CEP70: variants seen among roughly 807,000 people sequenced by gnomAD.
CEP70 encodes centrosomal protein 70, also known as centrosomal protein of 70 kDa.
In CEP70, 70 loss-of-function variants were observed where a neutral mutation model predicts 90.9. The ratio of observed to expected loss-of-function variants is 0.77; its 90% CI spans 0.64 to 0.94. CEP70 has a LOEUF of 0.94. CEP70 is among the 40% of genes least tolerant of loss of function. The pLI, the probability that CEP70 is intolerant of heterozygous loss-of-function variation, is 0.00. For missense variants in CEP70, 648 were observed against 669.0 expected (o/e 0.97, Z 0.35); for synonymous variants, 220 against 228.3 (o/e 0.96, Z 0.33).
At chr3:138,547,473 T>C (rs183425643) in intron 6 of CEP70, among the ~76,000 whole-genome samples, 5 of 152,350 alleles carry the variant, frequency 3.3e-5, no homozygotes, top group Non-Finnish European at 7.3e-5. Flanking sequence ...AAAACTAGCA[T>C]TAATTTCTTT....
chr3:138,576,625 C>A (rs1214492182), intron 2 of CEP70, among the ~76,000 whole-genome samples: 1 of 152,186 alleles, frequency 6.6e-6, no homozygotes, highest in Non-Finnish European at 1.5e-5. Flanking sequence ...ACAGAACTCT[C>A]CACCCCAAAT....
Position 138,500,551 on chromosome 3 carries a change from T to C in CEP70, c.1385A>G (p.His462Arg), listed in dbSNP as rs760422975. 6.2e-6 allele frequency: 10 copies of C among 1,607,086 alleles called. No homozygotes were observed. In the South Asian group the frequency reaches 9.0e-5, roughly 14 times the overall value. ...ENKEKDSNMP[H>R]FQTLQAIVSH... Reference sequence around the variant, plus strand: ...AACAATAGCTTGCAAAGTTTGAAAGTGTGGCATATTGCTGTCCTGTCCAAA... The same window carrying C: ...AACAATAGCTTGCAAAGTTTGAAAGCGTGGCATATTGCTGTCCTGTCCAAA... Residue 462 changes from histidine (H) to arginine (R), a missense_variant, in exon 15 of 18, where the codon CAC becomes CGC. Coordinates refer to ENST00000264982, the MANE Select transcript of CEP70 (RefSeq NM_024491.4).
chr3:138,582,029 A>G (rs892337715), intron 2 of CEP70, among the ~76,000 whole-genome samples: 2 of 152,248 alleles, frequency 1.3e-5, no homozygotes, highest in African/African-American at 2.4e-5. Context: ...TGAATGAGCA[A>G]TAAGTTTGTT....
chr3:138,534,300 C>T (rs2038082952), intron 7 of CEP70, among the ~76,000 whole-genome samples: 1 of 152,140 alleles, frequency 6.6e-6, no homozygotes, highest in Non-Finnish European at 1.5e-5. Flanking sequence ...TTCTCTTCAA[C>T]CCTTCCCCAA....
chr3:138,572,142 C>T (rs1375710148), intron 3 of CEP70, among the ~76,000 whole-genome samples: 2 of 152,146 alleles, frequency 1.3e-5, no homozygotes. Context: ...CTAGTTGGAG[C>T]CAATATTTCA....
intron 11 of CEP70, among the ~76,000 whole-genome samples, chr3:138,509,742 C>T (rs1022178205): frequency 5.3e-5 from 8 of 151,960 alleles, no homozygotes; most frequent in Non-Finnish European, 1.0e-4. Flanking sequence ...AAATCTCATG[C>T]TGTCCCACTC....
At chr3:138,564,503 T>C (rs1004300919) in intron 6 of CEP70, among the ~76,000 whole-genome samples, 1 of 152,136 alleles carries the variant, frequency 6.6e-6, no homozygotes, top group Non-Finnish European at 1.5e-5. Flanking sequence ...TCCACCACGA[T>C]CAAGTTGGCT....
At chr3:138,556,620 G>A (rs987526634) in intron 6 of CEP70, among the ~76,000 whole-genome samples, 1 of 151,860 alleles carries the variant, frequency 6.6e-6, no homozygotes, top group Non-Finnish European at 1.5e-5. Flanking sequence ...CATCGTCCGG[G>A]TTGAGAAATA....
At chr3:138,577,306 G>A (rs1420252751) in intron 2 of CEP70, among the ~76,000 whole-genome samples, 1 of 152,084 alleles carries the variant, frequency 6.6e-6, no homozygotes, top group Non-Finnish European at 1.5e-5. Context: ...TAACAAACCT[G>A]CACGCTGTCA....
chr3:138,495,137 G>C, intron 17 of CEP70, 61 bp from the exon 18 acceptor site: 1 of 1,012,816 alleles, frequency 9.9e-7, no homozygotes. Flanking sequence ...AAACTCACAT[G>C]AAACAAGAAC....
intron 6 of CEP70, among the ~76,000 whole-genome samples, chr3:138,553,550 T>C (rs764456322): frequency 2.7e-5 from 4 of 150,436 alleles, no homozygotes; most frequent in South Asian, 2.1e-4. Context: ...ATTCAAAGAA[T>C]TGGTGTCAAT....
chr3:138,592,767 G>A (rs1265653403), intron 1 of CEP70, among the ~76,000 whole-genome samples: 1 of 151,994 alleles, frequency 6.6e-6, no homozygotes, highest in Non-Finnish European at 1.5e-5. Context: ...GGGTGGGGGA[G>A]GGGAGCTGAC....
At chr3:138,585,122 C>T (rs1673624) in intron 2 of CEP70, among the ~76,000 whole-genome samples, 89,953 of 151,946 alleles carry the variant, frequency 0.59, 27,181 homozygotes, top group East Asian at 0.94. Flanking sequence ...TTGCAGGTGA[C>T]ATGATCTTAT....
At chr3:138,563,215 C>G (rs1424487637) in intron 6 of CEP70, among the ~76,000 whole-genome samples, 2 of 151,992 alleles carry the variant, frequency 1.3e-5, no homozygotes, top group African/African-American at 4.8e-5. Flanking sequence ...TCTTAGAGAC[C>G]TACAAAGAGA....
Position 138,567,800 on chromosome 3 carries a change from T to C in CEP70, c.465+2518A>G, listed in dbSNP as rs560095099. Among the ~76,000 whole-genome samples the C allele has an allele frequency of 8.3e-4, 127 of 152,330 alleles. 1 individual carries two copies. The South Asian group carries it at 0.023, about 27-fold the overall frequency. On this transcript the variant is annotated intron_variant, in intron 6 of 17. Transcript: ENST00000264982. ...GCCCAACATCCATGGGTTTCTCCCA[T>C]GTATATATGATATAAACATATTCAT... is the stretch of plus-strand genomic sequence containing the variant.
intron 6 of CEP70, among the ~76,000 whole-genome samples, chr3:138,567,091 T>C (rs2040844547): frequency 6.6e-6 from 1 of 152,118 alleles, no homozygotes; most frequent in African/African-American, 2.4e-5. Context: ...AATCCTGAAA[T>C]AATGCTGAAT....
At chr3:138,562,921 A>G (rs1237611433) in intron 6 of CEP70, among the ~76,000 whole-genome samples, 1 of 152,202 alleles carries the variant, frequency 6.6e-6, no homozygotes, top group African/African-American at 2.4e-5. Context: ...AATTAGATAG[A>G]GTCAAGACCC....
At chr3:138,496,742 C>T (rs1025367071) in intron 17 of CEP70, 1 of 985,214 alleles carries the variant, frequency 1.0e-6, no homozygotes, top group Non-Finnish European at 1.2e-6. Flanking sequence ...TTAACTTTCC[C>T]AATGTTAATG....
rs573616065 is a variant in CEP70 at position 138,537,378 on chromosome 3, G to C, written c.466-31C>G. Reference sequence around the variant, plus strand: ...AGATATTTTTTAAAAACATGATTATGATATGTACATCTAGGACATGCTATC... The same window carrying C: ...AGATATTTTTTAAAAACATGATTATCATATGTACATCTAGGACATGCTATC... On this transcript the variant is annotated intron_variant, in intron 6 of 17. Transcript: ENST00000264982. 6.3e-6 allele frequency: 9 copies of C among 1,430,368 alleles called. No homozygotes were observed. In the South Asian group the frequency reaches 1.2e-4, roughly 20 times the overall value. 88.6% of individuals were successfully genotyped at this position (1,430,368 alleles called of 1,614,324 possible).
Sources: gnomAD v4.1 joint callset for allele counts (sites outside exome capture counted in the v4.1 genomes callset) on GRCh38, gnomAD v4.1.1 for gene constraint, MANE v1.5 for transcripts, NCBI Gene and HGNC (gene_info 2026-07-23, HGNC 2026-07-21) for gene names.